Variants in FRYL observed in about 807,000 individuals in gnomAD.
FRYL encodes FRY like transcription coactivator, also known as protein furry homolog-like.
In FRYL, 150 loss-of-function variants were observed where a neutral mutation model predicts 351.2. That is an observed-to-expected ratio of 0.43 (90% CI 0.37 to 0.49). FRYL has a LOEUF of 0.49. FRYL is among the 20% of genes least tolerant of loss of function. The pLI is 0.00. For missense variants in FRYL, 3,036 were observed against 3,619.3 expected, an observed-to-expected ratio of 0.84 and a Z score of 4.13; for synonymous variants, 1,153 against 1,257.1, an observed-to-expected ratio of 0.92 and a Z score of 1.75.
intron 26 of FRYL, 125 bp from the exon 27 acceptor site, chr4:48,571,043 T>C (rs1284765753): frequency 3.2e-6 from 2 of 627,320 alleles, no homozygotes; most frequent in African/African-American, 1.8e-5. Context: ...GTGTAGACTG[T>C]GGGTACTCTG....
chr4:48,708,528 T>C (rs550503046), intron 2 of FRYL, among the ~76,000 whole-genome samples: 15 of 152,254 alleles, frequency 9.9e-5, no homozygotes, highest in African/African-American at 3.6e-4. Context: ...TCTAAGAACC[T>C]GTCCCAAACA....
intron 1 of FRYL, among the ~76,000 whole-genome samples, chr4:48,740,366 C>T (rs1771919524): frequency 7.1e-6 from 1 of 140,838 alleles, no homozygotes; most frequent in South Asian, 2.2e-4. Flanking sequence ...GCGATTTCTG[C>T]TCACCGCAAC....
intron 1 of FRYL, among the ~76,000 whole-genome samples, chr4:48,776,812 C>T (rs1224934827): frequency 6.6e-6 from 1 of 152,074 alleles, no homozygotes; most frequent in African/African-American, 2.4e-5. Flanking sequence ...ACCTAGTCTA[C>T]CCCCAAAACT....
chr4:48,618,984 C>G (rs1578380534), intron 7 of FRYL: 1 of 264,540 alleles, frequency 3.8e-6, no homozygotes, highest in Non-Finnish European at 7.1e-6. Context: ...GAATGGCAGG[C>G]AAACTACATT....
At chr4:48,679,114 C>T (rs1764235070) in intron 3 of FRYL, among the ~76,000 whole-genome samples, 1 of 152,058 alleles carries the variant, frequency 6.6e-6, no homozygotes, top group African/African-American at 2.4e-5. Flanking sequence ...TTCACTTATG[C>T]ATATACACTG....
intron 1 of FRYL, among the ~76,000 whole-genome samples, chr4:48,748,755 A>G (rs1335784368): frequency 6.6e-6 from 1 of 152,266 alleles, no homozygotes; most frequent in Non-Finnish European, 1.5e-5. Flanking sequence ...AACTGCTAAC[A>G]GCAGGAGACA....
intron 3 of FRYL, among the ~76,000 whole-genome samples, chr4:48,666,647 C>T (rs1761762750): frequency 6.6e-6 from 1 of 152,108 alleles, no homozygotes. Context: ...CTACGTGATT[C>T]TTAAGCACGT....
At chr4:48,578,518 C>T (rs146312277) in intron 23 of FRYL, among the ~76,000 whole-genome samples, 32 of 152,330 alleles carry the variant, frequency 2.1e-4, no homozygotes, top group African/African-American at 7.5e-4. Context: ...TTACCAACAT[C>T]CTCAAATCTC....
At chr4:48,652,060 T>G (rs920458498) in intron 3 of FRYL, among the ~76,000 whole-genome samples, 1 of 152,200 alleles carries the variant, frequency 6.6e-6, no homozygotes, top group African/African-American at 2.4e-5. Context: ...AAACAAAGGC[T>G]TTACAAACAT....
chr4:48,762,787 ATG>A (rs2109377022), intron 1 of FRYL, among the ~76,000 whole-genome samples: 1 of 152,328 alleles, frequency 6.6e-6, no homozygotes, highest in African/African-American at 2.4e-5. Context: ...GGATTTTTGC[ATG>A]TCTCATTTTT....
Position 48,745,103 on chromosome 4 carries a change from G to A in FRYL, c.-383-34405C>T, listed in dbSNP as rs182395286. On this transcript the variant is annotated intron_variant, in intron 1 of 63. Coordinates refer to ENST00000358350, the MANE Select transcript of FRYL (RefSeq NM_015030.2). ...TCCAAGAGGGCTTTTAATCAGGGGA[G>A]CAAAATCATCAGAATTGAGTTTTAG... Among the ~76,000 whole-genome samples the A allele has an allele frequency of 1.1e-4, 17 of 152,274 alleles. No individual in the cohort carries two copies. In the East Asian group the frequency reaches 3.3e-3, roughly 29 times the overall value.
chr4:48,677,545 G>A (rs1763909684), intron 3 of FRYL, among the ~76,000 whole-genome samples: 1 of 151,730 alleles, frequency 6.6e-6, no homozygotes, highest in Admixed American at 6.6e-5. Context: ...CAAGTAGCTG[G>A]GATTACAGGC....
At chr4:48,755,932 C>T (rs1437707120) in intron 1 of FRYL, among the ~76,000 whole-genome samples, 2 of 149,026 alleles carry the variant, frequency 1.3e-5, no homozygotes, top group East Asian at 4.0e-4. Flanking sequence ...ATCAAAAATT[C>T]AATTAAAAAA....
intron 13 of FRYL, chr4:48,598,881 A>C: frequency 1.0e-6 from 1 of 983,314 alleles, no homozygotes; most frequent in Non-Finnish European, 1.2e-6. Flanking sequence ...CATCTAAATA[A>C]AGCAATGTGA....
rs547653679 is a variant in FRYL at position 48,780,268 on chromosome 4, C to G, written c.-574G>C. The G allele has an allele frequency of 6.6e-6, 1 of 152,392 alleles. No homozygotes were observed. Among genetic ancestry groups the G allele is most frequent in the Non-Finnish European group, 1.5e-5 (1 of 68,374 alleles). The allele number at this position is 152,392 out of a possible 1,614,324, so 9.4% of individuals were successfully genotyped here. ...TTCTCTCTCGCTCTCTCCCAGAGCC[C>G]GACGGGCGCCCGGCTGTGCTGCGAG... On this transcript the variant is annotated 5_prime_UTR_variant, in exon 1 of 64. Transcript: ENST00000358350.
At chr4:48,566,228 C>G (rs1167893105) in intron 28 of FRYL, among the ~76,000 whole-genome samples, 1 of 152,158 alleles carries the variant, frequency 6.6e-6, no homozygotes, top group Non-Finnish European at 1.5e-5. Flanking sequence ...CAAACACATT[C>G]TGCTGCTTTC....
chr4:48,660,125 T>C (rs1238099401), intron 3 of FRYL, among the ~76,000 whole-genome samples: 2 of 151,356 alleles, frequency 1.3e-5, no homozygotes, highest in Non-Finnish European at 2.9e-5. Context: ...GCTCAAAAAA[T>C]AAAACAATGT....
At chr4:48,501,787 T>TTTCC (rs1719727695) in intron 61 of FRYL, 54 bp from the exon 62 acceptor site, 1 of 1,020,988 alleles carries the variant, frequency 9.8e-7, no homozygotes, top group Admixed American at 2.0e-5. Flanking sequence ...AGACAGCATA[T>TTTCC]TTCCAATGGA....
chr4:48,522,081 T>C (rs1725033537), intron 54 of FRYL, among the ~76,000 whole-genome samples: 1 of 152,002 alleles, frequency 6.6e-6, no homozygotes. Context: ...AGTTCAAGAC[T>C]AACCTGGGCC....
Sources: gnomAD v4.1 joint callset for allele counts (sites outside exome capture counted in the v4.1 genomes callset) on GRCh38, gnomAD v4.1.1 for gene constraint, MANE v1.5 for transcripts, NCBI Gene and HGNC (gene_info 2026-07-23, HGNC 2026-07-21) for gene names.